Variants in CSMD1 observed in about 807,000 individuals in gnomAD.
The protein encoded by CSMD1 is CUB and Sushi multiple domains 1.
A neutral mutation model predicts 417.5 loss-of-function variants in CSMD1; 213 were observed. That is an observed-to-expected ratio of 0.51 (90% CI 0.46 to 0.57). The LOEUF is 0.57. CSMD1 is among the 20% of genes least tolerant of loss of function. The probability of loss-of-function intolerance (pLI) is 0.00; values close to 1 mark genes in which losing one functional copy is unlikely to be tolerated. For missense variants in CSMD1, 6,923 were observed against 4,529.7 expected (o/e 1.53, Z -15.17); for synonymous variants, 2,862 against 1,736.8 (o/e 1.65, Z -16.11).
At position 3,408,215 on chromosome 8, in the gene CSMD1, G is replaced by C. The variant is rs752315736; in HGVS notation, c.1755C>G (p.Phe585Leu). ...TCCCAGATGATGCCGTAAAGTTGAAGAAACATGAAACTGTGAAGATGCAAA... is the reference window on the plus strand; with the variant it reads ...TCCCAGATGATGCCGTAAAGTTGAACAAACATGAAACTGTGAAGATGCAAA... ...GNKPSCVFSC[F>L]FNFTASSGII... is the part of the protein sequence containing the mutation. Residue 585 changes from phenylalanine to leucine, a missense_variant, in exon 14 of 70, where the codon TTC becomes TTG. Coordinates refer to ENST00000635120, the MANE Select transcript of CSMD1 (RefSeq NM_033225.6). 6 of 1,598,512 alleles carry C rather than the reference G, an allele frequency of 3.8e-6. No homozygotes were observed. The South Asian group carries it at 5.6e-5, about 15-fold the overall frequency.
At chr8:4,167,534 T>C (rs1482644802) in intron 3 of CSMD1, among the ~76,000 whole-genome samples, 2 of 152,204 alleles carry the variant, frequency 1.3e-5, no homozygotes, top group Non-Finnish European at 2.9e-5. Context: ...CTCTGATTTA[T>C]ATAAAATCTT....
intron 2 of CSMD1, among the ~76,000 whole-genome samples, chr8:4,479,921 G>C (rs1412950664): frequency 2.0e-5 from 3 of 150,326 alleles, no homozygotes; most frequent in Non-Finnish European, 3.0e-5. Context: ...AGCCGAGATG[G>C]AGCCACTGCA....
At chr8:3,327,519 A>T (rs56702652) in intron 23 of CSMD1, among the ~76,000 whole-genome samples, 1 of 152,066 alleles carries the variant, frequency 6.6e-6, no homozygotes, top group African/African-American at 2.4e-5. Flanking sequence ...TATTAACATA[A>T]TATCAGTTTA....
intron 26 of CSMD1, chr8:3,279,122 T>C (rs1802534519): frequency 6.6e-6 from 1 of 152,182 alleles, no homozygotes; most frequent in Non-Finnish European, 1.5e-5. Context: ...TGACTGGCTT[T>C]GGGGTGGTCA....
chr8:3,071,059 G>C (rs970920225), intron 49 of CSMD1, among the ~76,000 whole-genome samples: 3 of 152,152 alleles, frequency 2.0e-5, no homozygotes, highest in African/African-American at 7.2e-5. Context: ...GCCAGAACAG[G>C]AGCAAGAGGT....
rs1403866871 is a variant in CSMD1 at position 4,887,776 on chromosome 8, TA to T, written c.85+106555del. 1.9e-4 allele frequency among the ~76,000 whole-genome samples: 29 copies of T among 152,094 alleles called. No individual in the cohort carries two copies. The South Asian group carries it at 3.3e-3, about 17-fold the overall frequency. On this transcript the variant is annotated intron_variant, in intron 1 of 69. Transcript: ENST00000635120. ...GAGTTGACAATTTTATCATTTTTTT[TA>T]AATGTCTCACTTCGTTTCTAGTGAC...
At chr8:3,488,205 C>G (rs73499684) in intron 11 of CSMD1, among the ~76,000 whole-genome samples, 4 of 151,922 alleles carry the variant, frequency 2.6e-5, no homozygotes, top group African/African-American at 9.7e-5. Context: ...TGGGCACAAT[C>G]GACCCTTTCA....
rs77499364 is a variant in CSMD1 at position 4,726,765 on chromosome 8, C to T, written c.86-89207G>A. Among the ~76,000 whole-genome samples, 775 of 152,288 alleles carry T rather than the reference C, an allele frequency of 5.1e-3. 9 individuals are homozygous for T. The highest frequency in any genetic ancestry group is 0.018 in the African/African-American group (748 of 41,546). ...GCTGGGTTATGACTGCATGTCCTTTCCTATGTTCTGGCTTGTATTAAAAAT... is the reference window on the plus strand; with the variant it reads ...GCTGGGTTATGACTGCATGTCCTTTTCTATGTTCTGGCTTGTATTAAAAAT... On this transcript the variant is annotated intron_variant, in intron 1 of 69. Transcript: ENST00000635120.
intron 2 of CSMD1, among the ~76,000 whole-genome samples, chr8:4,446,603 C>A (rs1798804620): frequency 6.6e-6 from 1 of 152,078 alleles, no homozygotes; most frequent in African/African-American, 2.4e-5. Flanking sequence ...ACCCAGGCTG[C>A]AGTGCAGCAG....
intron 12 of CSMD1, among the ~76,000 whole-genome samples, chr8:3,441,639 T>G (rs2117063869): frequency 6.6e-6 from 1 of 152,164 alleles, no homozygotes; most frequent in South Asian, 2.1e-4. Context: ...TAGTAGCCAT[T>G]GATCATAGCA....
chr8:3,997,808 G>A (rs1196494970), intron 5 of CSMD1, 95 bp downstream of exon 5: 2 of 1,132,862 alleles, frequency 1.8e-6, no homozygotes, highest in Non-Finnish European at 2.5e-6. Flanking sequence ...GCTTGCCCAT[G>A]AACGTCCAGA....
intron 3 of CSMD1, among the ~76,000 whole-genome samples, chr8:4,264,505 A>AC (rs562437763): frequency 2.1e-4 from 32 of 152,056 alleles, no homozygotes; most frequent in African/African-American, 6.0e-4. Context: ...GCTAATGTGT[A>AC]CCCCCCCTGA....
intron 12 of CSMD1, among the ~76,000 whole-genome samples, chr8:3,457,681 A>G (rs1000910629): frequency 6.6e-6 from 1 of 152,248 alleles, no homozygotes; most frequent in African/African-American, 2.4e-5. Flanking sequence ...AAATTTTAAC[A>G]AAGACTCTTG....
At chr8:3,544,649 C>T (rs1798584906) in intron 10 of CSMD1, among the ~76,000 whole-genome samples, 1 of 152,140 alleles carries the variant, frequency 6.6e-6, no homozygotes, top group African/African-American at 2.4e-5. Context: ...AATCTGACAG[C>T]TTGGCCACCA....
intron 2 of CSMD1, among the ~76,000 whole-genome samples, chr8:4,634,223 A>G (rs2130851065): frequency 6.6e-6 from 1 of 152,274 alleles, no homozygotes; most frequent in East Asian, 1.9e-4. Flanking sequence ...ATGATAATAT[A>G]AAGGATATAT....
Position 3,335,734 on chromosome 8 carries a change from G to C in CSMD1, c.3631+7560C>G, listed in dbSNP as rs1337088801. Among the ~76,000 whole-genome samples, 6 of 152,170 alleles carry C rather than the reference G, an allele frequency of 3.9e-5. No individual in the cohort carries two copies. The East Asian group carries it at 9.6e-4, about 24-fold the overall frequency. On this transcript the variant is annotated intron_variant, in intron 23 of 69. Transcript: ENST00000635120. ...TAACAATGGCTTCTGTGTATGGAAT[G>C]TCACCTAAGAGTAGAGCAGACACAG...
At chr8:4,251,924 G>A (rs951448633) in intron 3 of CSMD1, among the ~76,000 whole-genome samples, 3 of 151,814 alleles carry the variant, frequency 2.0e-5, no homozygotes, top group Non-Finnish European at 4.4e-5. Context: ...GTGGGAATGG[G>A]AAGGGAGGGA....
rs1479438664 is a variant in CSMD1, at chr8:4,296,714, T to TC, written c.415+123238_415+123239insG. ...AATAAGGGTTTTTTTTTTTTTTTTT[T>TC]TCTCCAGGGCTTACACTCTATTGGG... On this transcript the variant is annotated intron_variant, in intron 3 of 69. Coordinates refer to ENST00000635120, the MANE Select transcript of CSMD1 (RefSeq NM_033225.6). 4.6e-5 allele frequency among the ~76,000 whole-genome samples: 7 copies of TC among 150,954 alleles called. No individual in the cohort carries two copies. In the South Asian group the frequency reaches 1.5e-3, roughly 32 times the overall value.
chr8:4,501,888 T>C (rs1802275878), intron 2 of CSMD1, among the ~76,000 whole-genome samples: 1 of 152,122 alleles, frequency 6.6e-6, no homozygotes, highest in East Asian at 1.9e-4. Context: ...GCTTTGGTGC[T>C]GTCAAAGGTA....
Sources: gnomAD v4.1 joint callset for allele counts (sites outside exome capture counted in the v4.1 genomes callset) on GRCh38, gnomAD v4.1.1 for gene constraint, MANE v1.5 for transcripts, NCBI Gene and HGNC (gene_info 2026-07-23, HGNC 2026-07-21) for gene names.